MYO1F: variants seen among roughly 807,000 people sequenced by gnomAD.
MYO1F encodes unconventional myosin-If.
Under a neutral mutation model 146.6 loss-of-function variants are expected in MYO1F, and 60 were observed. The observed-to-expected ratio is 0.41, with a 90% CI of 0.33 to 0.51. The LOEUF is 0.51. Ranked by LOEUF, MYO1F falls within the 20% of genes least tolerant of loss-of-function variation. MYO1F has a pLI of 0.25. For synonymous variants in MYO1F, 602 were observed against 602.1 expected (o/e 1.00, Z 0.00); for missense variants, 1,274 against 1,534.3 (o/e 0.83, Z 2.83).
chr19:8,569,699 C>A lies in MYO1F; in HGVS notation c.3+7608G>T, dbSNP rs536451712. 2.6e-5 allele frequency among the ~76,000 whole-genome samples: 4 copies of A among 152,174 alleles called. No individual in the cohort carries two copies. The South Asian group carries it at 8.3e-4, about 32-fold the overall frequency. On this transcript the variant is annotated intron_variant, in intron 1 of 27. Transcript: ENST00000644032. ...GTGAGAGGGCTTCCTGTAGAAGGCACGTCTTGCAACATGAACTTTCCAGGC... is the reference window on the plus strand; with the variant it reads ...GTGAGAGGGCTTCCTGTAGAAGGCAAGTCTTGCAACATGAACTTTCCAGGC...
In MYO1F at chr19:8,573,245, G is replaced by A. The variant is rs147354904; in HGVS notation, c.3+4062C>T. ...AGAATGGCATGAACCTAGGAGGTGG[G>A]GCTTGCAGTGAGCCAAGATCATGCC... On this transcript the variant is annotated intron_variant, in intron 1 of 27. Transcript: ENST00000644032. Among the ~76,000 whole-genome samples the A allele has an allele frequency of 8.5e-3, 1,299 of 151,976 alleles. 23 individuals carry two copies. Among genetic ancestry groups the A allele is most frequent in the African/African-American group, 0.029 (1,222 of 41,482 alleles).
intron 16 of MYO1F, among the ~76,000 whole-genome samples, chr19:8,537,656 A>G (rs1972786069): frequency 6.6e-6 from 1 of 151,236 alleles, no homozygotes; most frequent in Non-Finnish European, 1.5e-5. Flanking sequence ...CTGGTCATGA[A>G]CTCCTGACCT....
chr19:8,542,486 G>C (rs1358009348), intron 14 of MYO1F, among the ~76,000 whole-genome samples: 1 of 151,958 alleles, frequency 6.6e-6, no homozygotes, highest in Admixed American at 6.6e-5. Flanking sequence ...ATTTCAGCCA[G>C]GGTTGGGGGC....
Position 8,522,740 on chromosome 19 carries a change from G to A in MYO1F, c.2944C>T (p.Arg982Trp), listed in dbSNP as rs754535521. The A allele has an allele frequency of 2.5e-6, 4 of 1,612,264 alleles. No homozygotes were observed. Among genetic ancestry groups the A allele is most frequent in the East Asian group, 2.2e-5 (1 of 44,846 alleles). ...MSGGGTHRPP[R>W]GPPSTSLGAS... The stretch of plus-strand genomic sequence containing the variant: ...CCCAGGGATGTGGACGGAGGGCCCC[G>A]GGGAGGCCTGTGGGTGCCCCCTCCA... Residue 982 changes from arginine (R) to tryptophan (W), a missense_variant, in exon 26 of 28, where the codon CGG becomes TGG. Physicochemically the swap from Arg to Trp is moderately radical, Grantham distance 101. Around this residue, in one of 2 missense-constraint regions of MYO1F, gnomAD observed 374 missense variants for 379.2 expected, o/e 0.99. Coordinates refer to ENST00000644032, the MANE Select transcript of MYO1F (RefSeq NM_012335.4).
At chr19:8,536,186 A>C in intron 19 of MYO1F, 66 bp downstream of exon 19, 1 of 1,481,826 alleles carries the variant, frequency 6.7e-7, no homozygotes, top group Non-Finnish European at 9.2e-7. Flanking sequence ...TCTCTCTCTC[A>C]GTCCCTCTCT....
chr19:8,556,951 C>T (rs928635119), intron 1 of MYO1F, among the ~76,000 whole-genome samples: 1 of 145,660 alleles, frequency 6.9e-6, no homozygotes, highest in Non-Finnish European at 1.5e-5. Flanking sequence ...CTTATTCCAA[C>T]TATAGGATAT....
intron 16 of MYO1F, among the ~76,000 whole-genome samples, chr19:8,538,529 G>A (rs764707091): frequency 2.0e-4 from 30 of 151,196 alleles, no homozygotes; most frequent in Non-Finnish European, 4.1e-4. Flanking sequence ...TGATCTGCCC[G>A]ATTCAGCCTC....
At chr19:8,567,514 G>T (rs889350776) in intron 1 of MYO1F, among the ~76,000 whole-genome samples, 1 of 152,040 alleles carries the variant, frequency 6.6e-6, no homozygotes, top group African/African-American at 2.4e-5. Flanking sequence ...GATTACAGGC[G>T]CCTGGCTGAT....
chr19:8,565,015 C>T (rs1274454066), intron 1 of MYO1F, among the ~76,000 whole-genome samples: 4 of 151,948 alleles, frequency 2.6e-5, no homozygotes, highest in African/African-American at 7.2e-5. Flanking sequence ...TCAGGTGATC[C>T]GCCCACCTCA....
intron 25 of MYO1F, 41 bp downstream of exon 25, chr19:8,525,438 A>C: frequency 6.4e-7 from 1 of 1,565,692 alleles, no homozygotes; most frequent in South Asian, 1.1e-5. Context: ...CATGGGACCC[A>C]CAACAGACAA....
chr19:8,531,974 C>T lies in MYO1F; in HGVS notation c.2044-1401G>A, dbSNP rs569093899. 1.7e-3 allele frequency among the ~76,000 whole-genome samples: 252 copies of T among 151,976 alleles called. 1 individual carries two copies. The highest frequency in any genetic ancestry group is 3.4e-3 in the Middle Eastern group (1 of 294). On this transcript the variant is annotated intron_variant, in intron 19 of 27. Transcript: ENST00000644032. ...CTCTACTAATAATACAAAAGTTAGC[C>T]GGGTGTGGTGGCGCATGCCTGTCAT...
In MYO1F at chr19:8,522,420, C is replaced by T; in HGVS notation, c.3177G>A (p.Glu1059=). ...TGACCTCGTTCACGTTGAAGCTCAG[C>T]TCGTCCACATCTTGGCCCACGTACT... is the stretch of plus-strand genomic sequence containing the variant. ...LYQYVGQDVD[E]LSFNVNEVIE... Residue 1059 remains glutamate, a synonymous_variant, in exon 27 of 28, where the codon GAG becomes GAA. Transcript: ENST00000644032. 6.2e-7 allele frequency: 1 copy of T among 1,614,208 alleles called. No homozygotes were observed. Among genetic ancestry groups the T allele is most frequent in the Non-Finnish European group, 8.5e-7 (1 of 1,180,036 alleles).
At chr19:8,548,604 T>C (rs1408543004) in intron 10 of MYO1F, among the ~76,000 whole-genome samples, 6 of 146,248 alleles carry the variant, frequency 4.1e-5, no homozygotes, top group African/African-American at 1.6e-4. Context: ...TTTTTTTTTT[T>C]TCTTTTTTTT....
chr19:8,534,614 T>C (rs1208700076), intron 19 of MYO1F, among the ~76,000 whole-genome samples: 1 of 151,214 alleles, frequency 6.6e-6, no homozygotes, highest in Non-Finnish European at 1.5e-5. Flanking sequence ...CCTTTTCTTC[T>C]ATTTTCATTT....
At chr19:8,564,882 C>G (rs2041974770) in intron 1 of MYO1F, among the ~76,000 whole-genome samples, 1 of 151,992 alleles carries the variant, frequency 6.6e-6, no homozygotes, top group Non-Finnish European at 1.5e-5. Context: ...AAGTGATTCT[C>G]CTGCCTCAGC....
chr19:8,534,975 G>A (rs189514109), intron 19 of MYO1F, among the ~76,000 whole-genome samples: 1 of 151,596 alleles, frequency 6.6e-6, no homozygotes, highest in Non-Finnish European at 1.5e-5. Flanking sequence ...GCAGTGGCAC[G>A]ATCTTGGCTC....
chr19:8,560,839 C>T (rs973107000), intron 1 of MYO1F, among the ~76,000 whole-genome samples: 26 of 150,776 alleles, frequency 1.7e-4, no homozygotes, highest in South Asian at 4.2e-4. Context: ...CCTGTGTTCA[C>T]GCCATTCTCC....
At chr19:8,542,081 CT>C in intron 14 of MYO1F, 90 bp from the exon 15 acceptor site, 1 of 994,066 alleles carries the variant, frequency 1.0e-6, no homozygotes, top group Non-Finnish European at 1.6e-6. Context: ...GTGGTCAAGG[CT>C]TTCCTGGGGC....
chr19:8,559,385 C>T (rs1195018433), intron 1 of MYO1F, among the ~76,000 whole-genome samples: 4 of 151,638 alleles, frequency 2.6e-5, no homozygotes, highest in African/African-American at 9.7e-5. Flanking sequence ...TCTGGACATA[C>T]TGACAGTTAG....
Sources: gnomAD v4.1 joint callset for allele counts (sites outside exome capture counted in the v4.1 genomes callset) on GRCh38, gnomAD v4.1.1 for gene constraint, gnomAD v4.1.1 regional missense constraint, MANE v1.5 for transcripts, NCBI Gene and HGNC (gene_info 2026-07-23, HGNC 2026-07-21) for gene names.